The following CFAP74 variants were observed in gnomAD, a reference collection of about 807,000 sequenced individuals.
CFAP74 encodes the protein cilia- and flagella-associated protein 74.
A neutral mutation model predicts 188.9 loss-of-function variants in CFAP74; 124 were observed. The ratio of observed to expected loss-of-function variants is 0.66; its 90% CI spans 0.57 to 0.76. The LOEUF is 0.76. Among genes scored for constraint, CFAP74 ranks in the 30% least tolerant of loss-of-function variants. The pLI, the probability that CFAP74 is intolerant of heterozygous loss-of-function variation, is 0.00. For synonymous variants in CFAP74, 956 were observed against 916.7 expected (o/e 1.04, Z -0.77); for missense variants, 2,198 against 2,165.2 (o/e 1.02, Z -0.30).
chr1:1,961,678 C>A (rs996752091), intron 14 of CFAP74, among the ~76,000 whole-genome samples: 1 of 152,122 alleles, frequency 6.6e-6, no homozygotes, highest in Admixed American at 6.6e-5. Flanking sequence ...GGACACAGAA[C>A]CCTCCAGACT....
In CFAP74 at chr1:1,944,418, A is replaced by AGG. The variant is rs1653609606; in HGVS notation, c.2398_2399insCC (p.Val800AlafsTer13). ...GCTGGGCTTCGGCACCCAGACCGGC[A>AGG]CATCGATGGCCACGCCCACGACCCT... is the stretch of plus-strand genomic sequence containing the variant. On this transcript the variant is annotated frameshift_variant, in exon 21 of 39. Coordinates refer to ENST00000682832, the MANE Select transcript of CFAP74 (RefSeq NM_001304360.2). LOFTEE classifies it high-confidence loss of function. The AGG allele has an allele frequency of 1.3e-6, 2 of 1,535,982 alleles. No individual in the cohort carries two copies. The highest frequency in any genetic ancestry group is 1.7e-6 in the Non-Finnish European group (2 of 1,146,892).
chr1:1,994,024 G>C (rs1160856440), intron 1 of CFAP74, among the ~76,000 whole-genome samples: 1 of 151,772 alleles, frequency 6.6e-6, no homozygotes, highest in African/African-American at 2.4e-5. Flanking sequence ...ATGTAGCCAG[G>C]CGTGGTGGTG....
intron 18 of CFAP74, chr1:1,955,130 G>T: frequency 2.5e-6 from 3 of 1,204,772 alleles, no homozygotes; most frequent in Non-Finnish European, 3.2e-6. Flanking sequence ...TGAGCTGCAG[G>T]GCGTGCGGAA....
In CFAP74 at chr1:1,939,710, T is replaced by C; in HGVS notation, c.2761A>G (p.Ser921Gly). 1.3e-6 allele frequency: 2 copies of C among 1,535,982 alleles called. No individual in the cohort carries two copies. Among genetic ancestry groups the C allele is most frequent in the East Asian group, 4.9e-5 (2 of 40,916 alleles). Residue 921 changes from serine (S) to glycine (G), a missense_variant, in exon 24 of 39, where the codon AGT becomes GGT. Ser to Gly is a moderately conservative substitution (Grantham distance 56, BLOSUM62 0). Coordinates refer to ENST00000682832, the MANE Select transcript of CFAP74 (RefSeq NM_001304360.2). ...AIVTTSDLEL[S>G]PSEVDFGYCT... ...TAGCCAAAATCCACCTCCGAGGGAC[T>C]GAGCTCCAGGTCCGAGGTGGTGACA...
At chr1:1,944,584 G>A in intron 20 of CFAP74, 132 bp from the exon 21 acceptor site, 1 of 898,210 alleles carries the variant, frequency 1.1e-6, no homozygotes, top group South Asian at 1.7e-5. Flanking sequence ...GACGGCTGTG[G>A]CACTTTTCAT....
Position 1,974,161 on chromosome 1 carries a change from G to A in CFAP74, c.538C>T (p.Leu180Phe). ...MWHIEIQEGRLEAFRTADREE... is the reference protein window; with the variant it reads ...MWHIEIQEGRFEAFRTADREE... ...CGGTCAGCTGTCCGGAAGGCCTCGA[G>A]TCGCCCCTCCTGGATCTCGATGTGC... Residue 180 changes from leucine to phenylalanine, a missense_variant, in exon 7 of 39, where the codon CTC (leucine) becomes TTC (phenylalanine). Leu to Phe is a conservative substitution (Grantham distance 22). Coordinates refer to ENST00000682832, the MANE Select transcript of CFAP74 (RefSeq NM_001304360.2). 1 of 1,610,940 alleles carries A rather than the reference G, an allele frequency of 6.2e-7. No individual in the cohort carries two copies. The highest frequency in any genetic ancestry group is 8.5e-7 in the Non-Finnish European group (1 of 1,178,436).
chr1:1,966,336 C>T lies in CFAP74; in HGVS notation c.1401+35G>A, dbSNP rs140777054. On this transcript the variant is annotated intron_variant, in intron 12 of 38. Transcript: ENST00000682832. ...GAGCCGGCGACAGAGGGCCGGGGTCCGTCTGCAAGCGTCTAAAGGAGCAGG... is the reference window on the plus strand; with the variant it reads ...GAGCCGGCGACAGAGGGCCGGGGTCTGTCTGCAAGCGTCTAAAGGAGCAGG... 1.6e-5 allele frequency: 23 copies of T among 1,450,524 alleles called. No homozygotes were observed. The African/African-American group carries it at 1.7e-4, about 11-fold the overall frequency. 89.9% of individuals were successfully genotyped at this position (1,450,524 alleles called of 1,614,324 possible). A position where few individuals can be genotyped will look rare whatever the true frequency, so the allele number is the denominator to read the frequency against.
intron 18 of CFAP74, among the ~76,000 whole-genome samples, chr1:1,951,158 G>A (rs938192116): frequency 2.6e-5 from 4 of 152,160 alleles, no homozygotes; most frequent in Admixed American, 1.3e-4. Context: ...GTTGGAAGGG[G>A]AAGCAGGCAC....
intron 1 of CFAP74, among the ~76,000 whole-genome samples, chr1:1,993,897 G>A (rs1469290377): frequency 1.3e-5 from 2 of 151,042 alleles, no homozygotes; most frequent in Non-Finnish European, 3.0e-5. Context: ...CAGGAGAATG[G>A]CGTGAACCCG....
At chr1:1,982,313 C>T (rs1271306447) in intron 6 of CFAP74, among the ~76,000 whole-genome samples, 3 of 148,386 alleles carry the variant, frequency 2.0e-5, no homozygotes, top group African/African-American at 5.0e-5. Flanking sequence ...GACACCCAGC[C>T]GTGGTCACAC....
chr1:1,946,468 G>A, intron 19 of CFAP74, 29 bp from the exon 20 acceptor site: 2 of 1,511,298 alleles, frequency 1.3e-6, no homozygotes. Context: ...CATGGGGTCT[G>A]CCAGGCTTCA....
Position 1,923,620 on chromosome 1 carries a change from G to A in CFAP74, c.4390-121C>T. The A allele has an allele frequency of 6.6e-7, 1 of 1,516,516 alleles. No homozygotes were observed. The highest frequency in any genetic ancestry group is 1.9e-5 in the Admixed American group (1 of 51,294). The allele number at this position is 1,516,516 out of a possible 1,614,324, so 93.9% of individuals were successfully genotyped here. A position where few individuals can be genotyped will look rare whatever the true frequency, so the allele number is the denominator to read the frequency against. On this transcript the variant is annotated intron_variant, in intron 35 of 38. Transcript: ENST00000682832. The surrounding 1 kb of genome is among the most constrained non-coding windows in gnomAD (Gnocchi z 6.3). ...GGCCTGGGGGCCCCGTGGGGCCCTG[G>A]ACTCTGGTCTTTCCACTGACGGCCC...
In CFAP74 at chr1:1,922,057, C is replaced by T; in HGVS notation, c.*230G>A. ...TAGGATGGCTGAGGGCTGGCCTGGC[C>T]TTCTCGCTGCTTCTGAGTCTGGGGT... On this transcript the variant is annotated 3_prime_UTR_variant, in exon 39 of 39. Coordinates refer to ENST00000682832, the MANE Select transcript of CFAP74 (RefSeq NM_001304360.2). 1.9e-6 allele frequency: 1 copy of T among 538,852 alleles called. No homozygotes were observed. The highest frequency in any genetic ancestry group is 3.6e-5 in the Admixed American group (1 of 27,948). 33.4% of individuals were successfully genotyped at this position (538,852 alleles called of 1,614,324 possible). A position where few individuals can be genotyped will look rare whatever the true frequency, so the allele number is the denominator to read the frequency against.
intron 25 of CFAP74, among the ~76,000 whole-genome samples, chr1:1,938,469 C>T (rs1653101000): frequency 7.9e-6 from 1 of 126,898 alleles, no homozygotes; most frequent in African/African-American, 3.3e-5. Flanking sequence ...CAGGCTCACA[C>T]ACACACAGGC....
At chr1:1,948,915 C>CT (rs1174668042) in intron 18 of CFAP74, among the ~76,000 whole-genome samples, 29 of 144,134 alleles carry the variant, frequency 2.0e-4, no homozygotes, top group South Asian at 1.9e-3. Context: ...TCCTTCCTTC[C>CT]CTTTCCTTCC....
intron 1 of CFAP74, among the ~76,000 whole-genome samples, chr1:2,000,708 G>A (rs1463629611): frequency 6.6e-6 from 1 of 152,092 alleles, no homozygotes; most frequent in Non-Finnish European, 1.5e-5. Flanking sequence ...GTGTGCATTT[G>A]TATGTCCAAA....
intron 15 of CFAP74, among the ~76,000 whole-genome samples, chr1:1,959,637 G>A (rs1289490870): frequency 2.0e-5 from 3 of 151,996 alleles, no homozygotes; most frequent in South Asian, 4.1e-4. Context: ...TGCCCAGCTC[G>A]GGTGACCCCA....
rs1657381209 is a variant in CFAP74 at position 1,988,565 on chromosome 1, C to G, written c.243G>C (p.Leu81=). ...CCTCATGCATCTTATCCAGGGCGCT[C>G]AGGTTCTGCCGCAGGTGAAATGCCT... The part of the protein sequence containing the change: ...RTQAFHLRQN[L]SALDKMHEEQ... Residue 81 remains leucine (L), a synonymous_variant, in exon 4 of 39, where the codon CTG becomes CTC. Transcript: ENST00000682832. The G allele has an allele frequency of 6.2e-7, 1 of 1,613,524 alleles. No individual in the cohort carries two copies. Among genetic ancestry groups the G allele is most frequent in the East Asian group, 2.2e-5 (1 of 44,894 alleles).
At position 1,923,528 on chromosome 1, in the gene CFAP74, C is replaced by T. The variant is rs1651564000; in HGVS notation, c.4390-29G>A. The T allele has an allele frequency of 3.1e-6, 5 of 1,596,344 alleles. No individual in the cohort carries two copies. Among genetic ancestry groups the T allele is most frequent in the South Asian group, 1.1e-5 (1 of 90,140 alleles). ...GGGACAAGAAGTGGAGTGGCCTTGT[C>T]CCCGAAGCTCGGCGGCAGGGGTCCT... On this transcript the variant is annotated intron_variant, in intron 35 of 38. Transcript: ENST00000682832. This position sits in a 1 kb window ranked among gnomAD's most constrained non-coding sequence, Gnocchi z 6.3.
Sources: allele counts gnomAD v4.1 joint callset (sites outside exome capture counted in the v4.1 genomes callset), GRCh38; gene constraint gnomAD v4.1.1; non-coding constraint Gnocchi (gnomAD v3.1); transcripts MANE v1.5; gene names NCBI Gene and HGNC (gene_info 2026-07-23, HGNC 2026-07-21).